Variants in PTPN14 observed in about 807,000 individuals in gnomAD.
The protein encoded by PTPN14 is protein tyrosine phosphatase non-receptor type 14, also known as tyrosine-protein phosphatase non-receptor type 14.
In PTPN14, 53 loss-of-function variants were observed where a neutral mutation model predicts 126.8. The observed-to-expected ratio is 0.42, with a 90% CI of 0.34 to 0.53. PTPN14 has a LOEUF of 0.53. Among genes scored for constraint, PTPN14 ranks in the 20% least tolerant of loss-of-function variants. The probability of loss-of-function intolerance (pLI) is 0.08; values close to 1 mark genes in which losing one functional copy is unlikely to be tolerated. For missense variants in PTPN14, 1,257 were observed against 1,552.9 expected (o/e 0.81, Z 3.20); for synonymous variants, 630 against 599.3 (o/e 1.05, Z -0.75).
intron 3 of PTPN14, among the ~76,000 whole-genome samples, chr1:214,425,677 C>A (rs999214172): frequency 6.6e-6 from 1 of 152,130 alleles, no homozygotes; most frequent in African/African-American, 2.4e-5. Context: ...AATAAAAACA[C>A]ACCACATGTC....
intron 16 of PTPN14, among the ~76,000 whole-genome samples, chr1:214,371,241 C>T (rs1658211068): frequency 6.6e-6 from 1 of 152,132 alleles, no homozygotes; most frequent in South Asian, 2.1e-4. Context: ...CACTCTCTTT[C>T]TTAACCCTTT....
At chr1:214,431,715 G>A (rs987203725) in intron 3 of PTPN14, among the ~76,000 whole-genome samples, 9 of 152,110 alleles carry the variant, frequency 5.9e-5, no homozygotes, top group African/African-American at 9.7e-5. Context: ...CAAACTGTGC[G>A]GGCAAGTTAC....
intron 18 of PTPN14, among the ~76,000 whole-genome samples, chr1:214,359,482 A>G (rs1657906021): frequency 6.7e-6 from 1 of 149,126 alleles, no homozygotes; most frequent in Non-Finnish European, 1.5e-5. Flanking sequence ...TCGGCCTCCC[A>G]AAAGTGCTGG....
intron 1 of PTPN14, among the ~76,000 whole-genome samples, chr1:214,474,143 T>C (rs142267561): frequency 2.1e-4 from 32 of 152,314 alleles, no homozygotes; most frequent in African/African-American, 6.5e-4. Context: ...TATGTGAAAT[T>C]GGAAAACAAA....
intron 14 of PTPN14, 38 bp from the exon 15 acceptor site, chr1:214,376,475 T>C (rs1356546643): frequency 6.5e-7 from 1 of 1,541,716 alleles, no homozygotes. Flanking sequence ...CTAAATTATC[T>C]GATCCAAAAA....
At chr1:214,538,577 T>C (rs1404815998) in intron 1 of PTPN14, among the ~76,000 whole-genome samples, 2 of 152,208 alleles carry the variant, frequency 1.3e-5, no homozygotes, top group African/African-American at 4.8e-5. Flanking sequence ...AAGCTGTTCA[T>C]ATTATTTATA....
At chr1:214,397,830 A>C in intron 8 of PTPN14, 83 bp downstream of exon 8, 1 of 1,160,444 alleles carries the variant, frequency 8.6e-7, no homozygotes, top group Non-Finnish European at 1.2e-6. Flanking sequence ...TTGGCTCTTA[A>C]CTCATTTGGA....
intron 18 of PTPN14, among the ~76,000 whole-genome samples, chr1:214,359,187 TAA>T (rs1657894392): frequency 1.3e-5 from 2 of 151,796 alleles, no homozygotes; most frequent in Admixed American, 6.6e-5. Flanking sequence ...CTACTTGGAG[TAA>T]AAGCCTTCAA....
chr1:214,472,103 A>G (rs1208089777), intron 1 of PTPN14, among the ~76,000 whole-genome samples: 2 of 152,142 alleles, frequency 1.3e-5, no homozygotes. Context: ...AGCTTTATAC[A>G]TGGCAGGAAG....
At chr1:214,495,851 T>C (rs61651218) in intron 1 of PTPN14, among the ~76,000 whole-genome samples, 6,131 of 152,050 alleles carry the variant, frequency 0.04, 374 homozygotes, top group African/African-American at 0.14. Flanking sequence ...CACGCCACCA[T>C]GCCCAGCTAA....
At position 214,390,882 on chromosome 1, in the gene PTPN14, C is replaced by G; in HGVS notation, c.987+106G>C. ...ACAGAATGACGCCTCTGTGTTCTCA[C>G]AAAATTTCACCTCATCATGATGCCC... is the stretch of plus-strand genomic sequence containing the variant. On this transcript the variant is annotated intron_variant, in intron 11 of 18. Transcript: ENST00000366956. The G allele has an allele frequency of 3.1e-6, 3 of 978,108 alleles. No individual in the cohort carries two copies. In the East Asian group the frequency reaches 8.3e-5, roughly 27 times the overall value. The allele number at this position is 978,108 out of a possible 1,614,324, so 60.6% of individuals were successfully genotyped here. A position where few individuals can be genotyped will look rare whatever the true frequency, so the allele number is the denominator to read the frequency against.
chr1:214,387,585 G>T (rs978199387), intron 11 of PTPN14, among the ~76,000 whole-genome samples: 19 of 151,494 alleles, frequency 1.3e-4, no homozygotes, highest in Non-Finnish European at 2.4e-4. Context: ...AGGCTGAGGC[G>T]TGAGAGTCGT....
At chr1:214,514,048 C>T (rs1376514921) in intron 1 of PTPN14, among the ~76,000 whole-genome samples, 1 of 152,118 alleles carries the variant, frequency 6.6e-6, no homozygotes, top group African/African-American at 2.4e-5. Context: ...CTCCCCCTCC[C>T]TCAATTTTCC....
intron 17 of PTPN14, among the ~76,000 whole-genome samples, chr1:214,366,141 G>A (rs1407194189): frequency 6.6e-6 from 1 of 152,096 alleles, no homozygotes; most frequent in Admixed American, 6.6e-5. Context: ...TCCCGCCACT[G>A]CACCCCAGCC....
intron 1 of PTPN14, chr1:214,529,236 A>C (rs903668753): frequency 1.3e-5 from 2 of 152,224 alleles, no homozygotes; most frequent in African/African-American, 2.4e-5. Flanking sequence ...AGGATCACTT[A>C]AGCCCAGGAG....
intron 3 of PTPN14, among the ~76,000 whole-genome samples, chr1:214,423,268 G>A (rs1285758862): frequency 2.6e-5 from 4 of 152,066 alleles, no homozygotes; most frequent in East Asian, 3.9e-4. Flanking sequence ...TGGAGGCTGC[G>A]GTGAGTTGTG....
At chr1:214,455,103 C>T (rs1275832173) in intron 2 of PTPN14, among the ~76,000 whole-genome samples, 1 of 152,076 alleles carries the variant, frequency 6.6e-6, no homozygotes, top group Non-Finnish European at 1.5e-5. Context: ...TTTATTCTCC[C>T]ACGTCTACAC....
chr1:214,387,527 A>C (rs2102544012), intron 11 of PTPN14, among the ~76,000 whole-genome samples: 1 of 152,068 alleles, frequency 6.6e-6, no homozygotes, highest in East Asian at 1.9e-4. Context: ...AAAAAGAAAA[A>C]AATTATCTGG....
At chr1:214,495,756 G>A (rs1661350376) in intron 1 of PTPN14, among the ~76,000 whole-genome samples, 1 of 151,972 alleles carries the variant, frequency 6.6e-6, no homozygotes, top group Admixed American at 6.6e-5. Flanking sequence ...GTGCAATGGT[G>A]CGATCTCAGC....
Sources: gnomAD v4.1 joint callset for allele counts (sites outside exome capture counted in the v4.1 genomes callset) on GRCh38, gnomAD v4.1.1 for gene constraint, MANE v1.5 for transcripts, NCBI Gene and HGNC (gene_info 2026-07-23, HGNC 2026-07-21) for gene names.